OTOG: variants seen among roughly 807,000 people sequenced by gnomAD.
OTOG encodes otogelin.
A neutral mutation model predicts 313.8 loss-of-function variants in OTOG; 296 were observed. The observed-to-expected ratio is 0.94, with a 90% CI of 0.86 to 1.04. OTOG has a LOEUF of 1.04. OTOG is among the 50% of genes least tolerant of loss of function. OTOG has a pLI of 0.00. For synonymous variants in OTOG, 1,533 were observed against 1,554.9 expected (o/e 0.99, Z 0.33); for missense variants, 3,948 against 3,840.1 (o/e 1.03, Z -0.74).
chr11:17,573,898 C>A (rs1852459808), intron 19 of OTOG, among the ~76,000 whole-genome samples: 1 of 152,222 alleles, frequency 6.6e-6, no homozygotes, highest in African/African-American at 2.4e-5. Context: ...CTAGGCAGGG[C>A]CCTGATTCTC....
At position 17,635,735 on chromosome 11, in the gene OTOG, C is replaced by A. The variant is rs915986516; in HGVS notation, c.7795+24C>A. The A allele has an allele frequency of 4.6e-6, 7 of 1,533,752 alleles. No individual in the cohort carries two copies. The Admixed American group carries it at 5.9e-5, about 13-fold the overall frequency. On this transcript the variant is annotated intron_variant, in intron 47 of 55. Coordinates refer to ENST00000399397, the MANE Select transcript of OTOG (RefSeq NM_001292063.2). ...TGGTGAGTCCTGGCTGGGCACATGG[C>A]GGGCTGCGGCAGGAAGGGGCCCTTC...
rs576259449 is a variant in OTOG at position 17,579,279 on chromosome 11, G to A, written c.2759+753G>A. Among the ~76,000 whole-genome samples the A allele has an allele frequency of 8.9e-4, 136 of 152,338 alleles. 1 individual carries two copies. The highest frequency in any genetic ancestry group is 3.0e-3 in the African/African-American group (126 of 41,584). On this transcript the variant is annotated intron_variant, in intron 23 of 55. Coordinates refer to ENST00000399397, the MANE Select transcript of OTOG (RefSeq NM_001292063.2). The stretch of plus-strand genomic sequence containing the variant: ...TGAAAGCCTAGGGAAATGACATGGG[G>A]GTCAGGGCTTCTAGGGTAGGAAGGG...
intron 19 of OTOG, among the ~76,000 whole-genome samples, chr11:17,574,035 G>GCAA (rs1296287332): frequency 1.3e-5 from 2 of 152,198 alleles, no homozygotes; most frequent in Non-Finnish European, 2.9e-5. Context: ...ATCAACGAAG[G>GCAA]CAACATATCT....
chr11:17,566,019 A>G (rs990050735), intron 15 of OTOG, among the ~76,000 whole-genome samples: 15 of 152,150 alleles, frequency 9.9e-5, no homozygotes, highest in Non-Finnish European at 1.9e-4. Context: ...AGGTGTGCTC[A>G]TTGCTACTGG....
At chr11:17,575,295 T>C (rs574001963) in intron 20 of OTOG, among the ~76,000 whole-genome samples, 4 of 152,342 alleles carry the variant, frequency 2.6e-5, no homozygotes, top group African/African-American at 9.6e-5. Flanking sequence ...GCTCACATTC[T>C]AGGGTTGCAA....
chr11:17,632,355 C>G, intron 42 of OTOG, 129 bp downstream of exon 42: 1 of 778,508 alleles, frequency 1.3e-6, no homozygotes, highest in Non-Finnish European at 1.8e-6. Context: ...GATTTATGTA[C>G]ATTAGTAAAT....
At chr11:17,547,778 GGA>G in intron 1 of OTOG, 147 bp from the exon 2 acceptor site, 2 of 433,498 alleles carry the variant, frequency 4.6e-6, no homozygotes, top group East Asian at 6.9e-5. Context: ...CATCAGGAAG[GGA>G]GAGAAAGGAT....
At chr11:17,621,111 T>G (rs1853854702) in intron 39 of OTOG, among the ~76,000 whole-genome samples, 1 of 152,228 alleles carries the variant, frequency 6.6e-6, no homozygotes, top group South Asian at 2.1e-4. Flanking sequence ...CATTATAGGT[T>G]GTATTTTCCT....
At chr11:17,621,823 A>T (rs578178803) in intron 39 of OTOG, among the ~76,000 whole-genome samples, 9 of 152,170 alleles carry the variant, frequency 5.9e-5, no homozygotes, top group Non-Finnish European at 7.3e-5. Flanking sequence ...TGCATTGCCA[A>T]CTGTTCACGT....
At position 17,557,225 on chromosome 11, in the gene OTOG, C is replaced by CTGTCT; in HGVS notation, c.768_772dup (p.Tyr258LeufsTer6). On this transcript the variant is annotated frameshift_variant, in exon 8 of 56. Coordinates refer to ENST00000399397, the MANE Select transcript of OTOG (RefSeq NM_001292063.2). LOFTEE classifies it high-confidence loss of function. Reference sequence around the variant, plus strand: ...ACACTGGCCTGGGATGGTGCCTCGGCTGTCTACATCAAGATGAGTCCAGAG... The same window carrying CTGTCT: ...ACACTGGCCTGGGATGGTGCCTCGGCTGTCTTGTCTACATCAAGATGAGTCCAGAG... The CTGTCT allele has an allele frequency of 6.4e-7, 1 of 1,550,646 alleles. No homozygotes were observed. Among genetic ancestry groups the CTGTCT allele is most frequent in the Non-Finnish European group, 8.7e-7 (1 of 1,147,008 alleles).
intron 39 of OTOG, among the ~76,000 whole-genome samples, chr11:17,627,461 T>A (rs1288382370): frequency 1.3e-5 from 2 of 152,228 alleles, no homozygotes; most frequent in African/African-American, 4.8e-5. Flanking sequence ...TCACAATTAA[T>A]GATCTTTTTG....
intron 39 of OTOG, among the ~76,000 whole-genome samples, chr11:17,618,678 A>G (rs1052896332): frequency 4.6e-5 from 7 of 152,114 alleles, no homozygotes; most frequent in African/African-American, 1.7e-4. Context: ...TTATTTGTCT[A>G]TTTCTCTTTG....
intron 53 of OTOG, among the ~76,000 whole-genome samples, 166 bp from the exon 54 acceptor site, chr11:17,643,295 C>T: frequency 6.6e-6 from 1 of 152,242 alleles, no homozygotes; most frequent in Non-Finnish European, 1.5e-5. Flanking sequence ...CAGCTTAGCC[C>T]CCGTGGCTCT....
In OTOG at chr11:17,560,575, G is replaced by A; in HGVS notation, c.1343-134G>A. The stretch of plus-strand genomic sequence containing the variant: ...CTGGCCTGAGCCAAGGATTTATAGA[G>A]GAGAAAGTTTGGAAGTCGGTTCAGA... On this transcript the variant is annotated intron_variant, in intron 12 of 55. Coordinates refer to ENST00000399397, the MANE Select transcript of OTOG (RefSeq NM_001292063.2). The A allele has an allele frequency of 6.0e-6, 4 of 671,814 alleles. No individual in the cohort carries two copies. In the South Asian group the frequency reaches 7.3e-5, roughly 12 times the overall value. 41.6% of individuals were successfully genotyped at this position (671,814 alleles called of 1,614,324 possible). A position where few individuals can be genotyped will look rare whatever the true frequency, so the allele number is the denominator to read the frequency against.
Position 17,610,251 on chromosome 11 carries a change from C to T in OTOG, c.4951C>T (p.Pro1651Ser). ...TCCCTCCTCCAGACCTGTGGCTTCC[C>T]CTGGAGCCATCTCCAGGTCCCCCAC... The part of the protein sequence containing the change: ...ASPSSRPVAS[P>S]GAISRSPTSS... The change falls in exon 36 of 56, where the codon CCT becomes TCT. Residue 1651 changes from proline to serine, a missense_variant. Pro to Ser is a moderately conservative substitution (Grantham distance 74). Transcript: ENST00000399397. 6.4e-7 allele frequency: 1 copy of T among 1,550,562 alleles called. No individual in the cohort carries two copies. Among genetic ancestry groups the T allele is most frequent in the Non-Finnish European group, 8.7e-7 (1 of 1,146,944 alleles).
Position 17,638,518 on chromosome 11 carries a change from C to A in OTOG, c.7863C>A (p.Ser2621Arg). The stretch of plus-strand genomic sequence containing the variant: ...GCACTGCCCTGGTGGAGGTGTGGAG[C>A]CCCGACCGCTGCTGCCCCTACAAAT... ...GLGTALVEVW[S>R]PDRCCPYKSC... The change falls in exon 48 of 56, where the codon AGC (serine) becomes AGA (arginine). Residue 2621 changes from serine (S) to arginine (R), a missense_variant. Transcript: ENST00000399397. 4 of 1,550,390 alleles carry A rather than the reference C, an allele frequency of 2.6e-6. No homozygotes were observed. Among genetic ancestry groups the A allele is most frequent in the Non-Finnish European group, 3.5e-6 (4 of 1,146,998 alleles).
rs182747401 is a variant in OTOG, at chr11:17,629,150, G to T, written c.6546G>T (p.Gln2182His). 36 of 1,550,472 alleles carry T rather than the reference G, an allele frequency of 2.3e-5. No individual in the cohort carries two copies. The East Asian group carries it at 8.6e-4, about 37-fold the overall frequency. ...RFNRKVTVDL[Q>H]PVWPPVSRYG... Reference sequence around the variant, plus strand: ...CTCCCAAGGTGACTGTGGACTTGCAGCCTGTGTGGCCACCGGTGAGCAGGT... The same window carrying T: ...CTCCCAAGGTGACTGTGGACTTGCATCCTGTGTGGCCACCGGTGAGCAGGT... Residue 2182 changes from glutamine (Q) to histidine (H), a missense_variant, in exon 40 of 56, where the codon CAG becomes CAT. Gln to His is a conservative substitution (Grantham distance 24, BLOSUM62 0). Coordinates refer to ENST00000399397, the MANE Select transcript of OTOG (RefSeq NM_001292063.2).
At chr11:17,551,962 C>T in intron 3 of OTOG, 38 bp from the exon 4 acceptor site, 1 of 1,538,750 alleles carries the variant, frequency 6.5e-7, no homozygotes, top group Non-Finnish European at 8.8e-7. Flanking sequence ...GTCCTGAGGT[C>T]AGCCCTCGAT....
chr11:17,612,489 C>T, intron 37 of OTOG, 131 bp from the exon 38 acceptor site: 8 of 1,391,660 alleles, frequency 5.7e-6, no homozygotes, highest in Non-Finnish European at 7.6e-6. Context: ...GATGCGTGGT[C>T]TGAGCCACCC....
Sources: allele counts gnomAD v4.1 joint callset (sites outside exome capture counted in the v4.1 genomes callset), GRCh38; gene constraint gnomAD v4.1.1; transcripts MANE v1.5; gene names NCBI Gene and HGNC (gene_info 2026-07-23, HGNC 2026-07-21).